The following PRKN variants were observed in gnomAD, a reference collection of about 807,000 sequenced individuals.
The protein encoded by PRKN is parkin RBR E3 ubiquitin protein ligase.
PRKN carries 56 observed loss-of-function variants against 59.5 expected under a neutral mutation model. The observed-to-expected ratio is 0.94, with a 90% confidence interval of 0.76 to 1.18. The LOEUF (loss-of-function observed/expected upper bound fraction) is 1.18, where lower values mean the gene tolerates loss of function less well. Ranked by LOEUF, PRKN falls within the 50% of genes most tolerant of loss-of-function variation. The pLI is 0.00. For missense variants in PRKN, 657 were observed against 596.4 expected, an observed-to-expected ratio of 1.10 and a Z score of -1.06; for synonymous variants, 250 against 222.1, an observed-to-expected ratio of 1.13 and a Z score of -1.12.
chr6:162,571,045 T>TG (rs951695981), intron 1 of PRKN, among the ~76,000 whole-genome samples: 2 of 151,870 alleles, frequency 1.3e-5, no homozygotes, highest in Non-Finnish European at 2.9e-5. Flanking sequence ...ATCTCATGGC[T>TG]GGGCACAGTG....
chr6:162,509,853 G>A (rs1183353692), intron 1 of PRKN, among the ~76,000 whole-genome samples: 1 of 152,164 alleles, frequency 6.6e-6, no homozygotes, highest in East Asian at 1.9e-4. Flanking sequence ...AGCTAGCTGA[G>A]GACTGGATGG....
intron 6 of PRKN, among the ~76,000 whole-genome samples, chr6:161,786,834 A>C (rs1157246380): frequency 2.0e-5 from 3 of 152,112 alleles, no homozygotes; most frequent in Non-Finnish European, 4.4e-5. Flanking sequence ...TCAGTTTCTC[A>C]GAGTATGGTT....
At chr6:161,521,377 G>T (rs1219084270) in intron 9 of PRKN, among the ~76,000 whole-genome samples, 1 of 152,174 alleles carries the variant, frequency 6.6e-6, no homozygotes, top group African/African-American at 2.4e-5. Context: ...ATAAAATTAG[G>T]ATAGAAATCC....
chr6:162,706,977 C>G (rs1373126473), intron 1 of PRKN, among the ~76,000 whole-genome samples: 1 of 152,034 alleles, frequency 6.6e-6, no homozygotes, highest in Non-Finnish European at 1.5e-5. Flanking sequence ...TAATTTTATT[C>G]TTGGATCAAA....
intron 6 of PRKN, among the ~76,000 whole-genome samples, chr6:161,902,706 G>A (rs1195674929): frequency 6.6e-6 from 1 of 151,792 alleles, no homozygotes. Flanking sequence ...GATTACAGGA[G>A]CCTGCCACCA....
intron 9 of PRKN, among the ~76,000 whole-genome samples, chr6:161,433,442 C>T (rs1788741348): frequency 6.6e-6 from 1 of 152,242 alleles, no homozygotes; most frequent in African/African-American, 2.4e-5. Context: ...AACCTCAGAA[C>T]CTCGTTTTTA....
intron 7 of PRKN, among the ~76,000 whole-genome samples, chr6:161,616,940 G>A (rs1196738070): frequency 6.6e-6 from 1 of 152,156 alleles, no homozygotes; most frequent in Non-Finnish European, 1.5e-5. Context: ...TGAGATTGCT[G>A]GGTCAAATGG....
chr6:162,444,461 T>A (rs1403912264), intron 1 of PRKN, among the ~76,000 whole-genome samples: 1 of 151,638 alleles, frequency 6.6e-6, no homozygotes, highest in Non-Finnish European at 1.5e-5. Flanking sequence ...TTAATCTCCA[T>A]GTGTACTCTT....
chr6:161,493,283 A>G (rs1308202017), intron 9 of PRKN, among the ~76,000 whole-genome samples: 1 of 152,258 alleles, frequency 6.6e-6, no homozygotes, highest in Non-Finnish European at 1.5e-5. Flanking sequence ...TAAGCCCATT[A>G]TATTTAATAA....
rs555052927 is a variant in PRKN at position 161,579,125 on chromosome 6, A to G, written c.872-9709T>C. On this transcript the variant is annotated intron_variant, in intron 7 of 11. Coordinates refer to ENST00000366898, the MANE Select transcript of PRKN (RefSeq NM_004562.3). The surrounding 1 kb of genome is among the most constrained non-coding windows in gnomAD (Gnocchi z 4.2). ...TCTCAAAAGTTTGTCCTTGGTTGACATCAGAGAAAGGAAAGGGAGGAAGTG... is the reference window on the plus strand; with the variant it reads ...TCTCAAAAGTTTGTCCTTGGTTGACGTCAGAGAAAGGAAAGGGAGGAAGTG... Among the ~76,000 whole-genome samples the G allele has an allele frequency of 6.6e-6, 1 of 152,226 alleles. No individual in the cohort carries two copies. Among genetic ancestry groups the G allele is most frequent in the East Asian group, 1.9e-4 (1 of 5,188 alleles).
At chr6:161,717,498 C>G (rs1209638762) in intron 7 of PRKN, among the ~76,000 whole-genome samples, 3 of 152,126 alleles carry the variant, frequency 2.0e-5, no homozygotes, top group African/African-American at 7.2e-5. Flanking sequence ...TGACATCGCA[C>G]CAAGGGCTGG....
intron 6 of PRKN, among the ~76,000 whole-genome samples, chr6:161,848,698 G>T (rs1202371692): frequency 2.0e-5 from 3 of 152,174 alleles, no homozygotes; most frequent in Non-Finnish European, 2.9e-5. Context: ...CAAAGCAAAA[G>T]AACTATAATA....
intron 5 of PRKN, among the ~76,000 whole-genome samples, chr6:162,011,906 T>TTACTC (rs58676431): frequency 0.81 from 122,756 of 151,356 alleles, 50,495 homozygotes; most frequent in African/African-American, 0.95. Context: ...TGTGAGAACT[T>TTACTC]TGGAGAAATA....
intron 2 of PRKN, among the ~76,000 whole-genome samples, chr6:162,281,119 G>T (rs933386143): frequency 5.3e-5 from 8 of 152,072 alleles, no homozygotes; most frequent in Non-Finnish European, 1.0e-4. Context: ...CTTTTGCAGG[G>T]ACATGGATGC....
intron 7 of PRKN, among the ~76,000 whole-genome samples, chr6:161,713,245 C>T (rs1452566730): frequency 6.6e-6 from 1 of 152,152 alleles, no homozygotes; most frequent in East Asian, 1.9e-4. Flanking sequence ...CTTCCATGCC[C>T]TTGCTGGAGC....
intron 3 of PRKN, among the ~76,000 whole-genome samples, chr6:162,248,411 T>C (rs181223594): frequency 6.6e-6 from 1 of 152,320 alleles, no homozygotes; most frequent in East Asian, 1.9e-4. Flanking sequence ...TCCAGCCTTT[T>C]ATTAGTATCA....
intron 7 of PRKN, among the ~76,000 whole-genome samples, chr6:161,671,908 G>C (rs896041387): frequency 2.0e-5 from 3 of 152,130 alleles, no homozygotes; most frequent in Non-Finnish European, 4.4e-5. Flanking sequence ...GTCAGATTTA[G>C]TACAGACTAA....
rs1351465997 is a variant in PRKN at position 161,809,332 on chromosome 6, G to A, written c.735-23424C>T. 5.3e-5 allele frequency among the ~76,000 whole-genome samples: 8 copies of A among 152,170 alleles called. No homozygotes were observed. The South Asian group carries it at 1.0e-3, about 20-fold the overall frequency. On this transcript the variant is annotated intron_variant, in intron 6 of 11. Coordinates refer to ENST00000366898, the MANE Select transcript of PRKN (RefSeq NM_004562.3). ...CTTGGGGCTGGGTACTTGATCATAC[G>A]AGAAGGTGAGGAGGTGGATTCTGGA...
In PRKN at chr6:161,352,753, G is replaced by GTATATATATATATATATA. The variant is rs1378501005; in HGVS notation, c.1286-2543_1286-2542insTATATATATATATATATA. ...TGTGTGTGTGTGTGTGTGTGTGTGTGTGTATATATATATATATATTTTATT... is the reference window on the plus strand; with the variant it reads ...TGTGTGTGTGTGTGTGTGTGTGTGTGTATATATATATATATATATGTATATATATATATATATTTTATT... On this transcript the variant is annotated intron_variant, in intron 11 of 11. Transcript: ENST00000366898. The surrounding 1 kb of genome is among the most constrained non-coding windows in gnomAD (Gnocchi z 5.8). 1.7e-5 allele frequency among the ~76,000 whole-genome samples: 2 copies of GTATATATATATATATATA among 118,134 alleles called. No individual in the cohort carries two copies. The highest frequency in any genetic ancestry group is 3.7e-5 in the African/African-American group (1 of 26,686). 77.5% of individuals were successfully genotyped at this position (118,134 alleles called of 152,430 possible).
Sources: gnomAD v4.1 joint callset for allele counts (sites outside exome capture counted in the v4.1 genomes callset) on GRCh38, gnomAD v4.1.1 for gene constraint, Gnocchi (gnomAD v3.1) non-coding constraint, MANE v1.5 for transcripts, NCBI Gene and HGNC (gene_info 2026-07-23, HGNC 2026-07-21) for gene names.